FAM149B1: variants seen among roughly 807,000 people sequenced by gnomAD.
The protein encoded by FAM149B1 is family with sequence similarity 149 member B1.
Under a neutral mutation model 75.3 loss-of-function variants are expected in FAM149B1, and 56 were observed. The observed-to-expected ratio is 0.74, with a 90% confidence interval of 0.60 to 0.93. FAM149B1 has a LOEUF of 0.93. Ranked by LOEUF, FAM149B1 falls within the 40% of genes least tolerant of loss-of-function variation. FAM149B1 has a pLI of 0.00. For missense variants in FAM149B1, 639 were observed against 708.4 expected (o/e 0.90, Z 1.11); for synonymous variants, 259 against 256.1 (o/e 1.01, Z -0.11).
intron 1 of FAM149B1, 127 bp from the exon 2 acceptor site, chr10:73,174,560 T>G: frequency 1.7e-6 from 1 of 604,164 alleles, no homozygotes; most frequent in South Asian, 2.7e-5. Flanking sequence ...TTTTAATCAC[T>G]GGTGGCTACC....
Position 73,240,947 on chromosome 10 carries a change from T to A in FAM149B1, c.1677T>A (p.Gly559=). The change falls in exon 14 of 14, where the codon GGT becomes GGA. Residue 559 remains glycine (G), a splice_region_variant and synonymous_variant. Transcript: ENST00000242505. The part of the protein sequence containing the change: ...HQARPGRGSA[G]PQLHGSTKSQ... ...ATGTTACTCTATGTCATCTGACAGGTCCTCAGTTACATGGGTCTACAAAAT... is the reference window on the plus strand; with the variant it reads ...ATGTTACTCTATGTCATCTGACAGGACCTCAGTTACATGGGTCTACAAAAT... The A allele has an allele frequency of 1.3e-6, 2 of 1,528,860 alleles. No individual in the cohort carries two copies. Among genetic ancestry groups the A allele is most frequent in the Non-Finnish European group, 1.8e-6 (2 of 1,129,350 alleles). The allele number at this position is 1,528,860 out of a possible 1,614,324, so 94.7% of individuals were successfully genotyped here.
At position 73,228,117 on chromosome 10, in the gene FAM149B1, G is replaced by A. The variant is rs1235384622; in HGVS notation, c.956G>A (p.Ser319Asn). The A allele has an allele frequency of 6.4e-7, 1 of 1,551,284 alleles. No homozygotes were observed. The highest frequency in any genetic ancestry group is 8.7e-7 in the Non-Finnish European group (1 of 1,146,684). ...GATTCAGAAAGTTCCTGTGTGCTGA[G>A]TGAACTACATCCTTTGGTGTTACCG... is the stretch of plus-strand genomic sequence containing the variant. Reference protein sequence around the residue: ...RPDSESSCVLSELHPLVLPRV... With the variant: ...RPDSESSCVLNELHPLVLPRV... Residue 319 changes from serine to asparagine, a missense_variant, in exon 8 of 14, where the codon AGT (serine) becomes AAT (asparagine). Ser to Asn is a conservative substitution (Grantham distance 46). Transcript: ENST00000242505.
rs1250790206 is a variant in FAM149B1 at position 73,234,814 on chromosome 10, C to T, written c.1353-3C>T. On this transcript the variant is annotated splice_polypyrimidine_tract_variant and splice_region_variant and intron_variant, in intron 10 of 13. Coordinates refer to ENST00000242505, the MANE Select transcript of FAM149B1 (RefSeq NM_173348.2). ...CCTTCGTGTTTGTTGGTGGGATCTG[C>T]AGCCCAGTGGCACCCGACTCGCTCT... 6.4e-7 allele frequency: 1 copy of T among 1,551,108 alleles called. No individual in the cohort carries two copies. The highest frequency in any genetic ancestry group is 1.4e-5 in the African/African-American group (1 of 73,026).
Position 73,200,837 on chromosome 10 carries a change from T to TG in FAM149B1, c.542+7244_542+7245insG. ...CAAGGCACCATTAAACAGGCTGTTA[T>TG]TTTTCTCAATACAAGGTGCAAGGTG... On this transcript the variant is annotated intron_variant, in intron 5 of 13. Coordinates refer to ENST00000242505, the MANE Select transcript of FAM149B1 (RefSeq NM_173348.2). The TG allele has an allele frequency of 9.8e-6, 5 of 510,436 alleles. No individual in the cohort carries two copies. In the East Asian group the frequency reaches 2.1e-4, roughly 22 times the overall value. 31.6% of individuals were successfully genotyped at this position (510,436 alleles called of 1,614,324 possible).
intron 9 of FAM149B1, 108 bp downstream of exon 9, chr10:73,230,633 A>ACAGAGGGAAAGCAAAATCAGTTTATCAGT: frequency 1.5e-6 from 1 of 652,188 alleles, no homozygotes; most frequent in East Asian, 2.8e-5. Flanking sequence ...GCAACCACAA[A>ACAGAGGGAAAGCAAAATCAGTTTATCAGT]AACTCCTGGG....
At chr10:73,211,855 G>A (rs1589168718) in intron 7 of FAM149B1, among the ~76,000 whole-genome samples, 1 of 151,984 alleles carries the variant, frequency 6.6e-6, no homozygotes, top group East Asian at 1.9e-4. Context: ...GTGAAATCTG[G>A]GTTTTTAGTG....
At chr10:73,200,918 G>A in intron 5 of FAM149B1, 1 of 474,160 alleles carries the variant, frequency 2.1e-6, no homozygotes, top group South Asian at 1.7e-5. Flanking sequence ...GCTCTGCATG[G>A]CGACATGGAC....
intron 3 of FAM149B1, 59 bp downstream of exon 3, chr10:73,178,034 T>C: frequency 6.8e-7 from 1 of 1,467,332 alleles, no homozygotes; most frequent in South Asian, 1.3e-5. Context: ...GGAATTAGGA[T>C]TTGTCAGTAT....
chr10:73,228,324 G>A, intron 8 of FAM149B1, 140 bp downstream of exon 8: 1 of 667,060 alleles, frequency 1.5e-6, no homozygotes, highest in South Asian at 2.1e-5. Context: ...ATAATCCAGT[G>A]ACTCTTCGCA....
At position 73,193,464 on chromosome 10, in the gene FAM149B1, C is replaced by T. The variant is rs2133337105; in HGVS notation, c.426-13C>T. 2 of 1,542,482 alleles carry T rather than the reference C, an allele frequency of 1.3e-6. No homozygotes were observed. Among genetic ancestry groups the T allele is most frequent in the Non-Finnish European group, 1.7e-6 (2 of 1,143,528 alleles). On this transcript the variant is annotated splice_polypyrimidine_tract_variant and intron_variant, in intron 4 of 13. Coordinates refer to ENST00000242505, the MANE Select transcript of FAM149B1 (RefSeq NM_173348.2). ...AAGGTACTTAATTGTGTCTGTGTTTCTTCATTTTGAAGGATTCTAGGTAGG... is the reference window on the plus strand; with the variant it reads ...AAGGTACTTAATTGTGTCTGTGTTTTTTCATTTTGAAGGATTCTAGGTAGG...
intron 10 of FAM149B1, 134 bp from the exon 11 acceptor site, chr10:73,234,683 G>C (rs1338551868): frequency 1.0e-6 from 1 of 958,280 alleles, no homozygotes; most frequent in Non-Finnish European, 1.5e-6. Flanking sequence ...ATCTCTACTT[G>C]AAAACATAGG....
intron 1 of FAM149B1, 97 bp downstream of exon 1, chr10:73,168,483 G>A: frequency 7.1e-7 from 1 of 1,413,646 alleles, no homozygotes; most frequent in Admixed American, 2.3e-5. Context: ...TCCCAGGGCT[G>A]GGGAGAGATT....
At position 73,234,895 on chromosome 10, in the gene FAM149B1, A is replaced by G. The variant is rs1289775065; in HGVS notation, c.1431A>G (p.Thr477=). The G allele has an allele frequency of 1.3e-6, 2 of 1,551,912 alleles. No homozygotes were observed. The highest frequency in any genetic ancestry group is 2.7e-5 in the African/African-American group (2 of 73,048). Residue 477 remains threonine (T), a synonymous_variant, in exon 11 of 14, where the codon ACA becomes ACG. Transcript: ENST00000242505. ...SRNNLLPPIG[T]AEVEHVSTVG... is the part of the protein sequence containing the mutation. ...ATAATCTGCTACCACCTATTGGCAC[A>G]GCTGAAGTGGAACATGTGAGCACTG...
intron 5 of FAM149B1, among the ~76,000 whole-genome samples, chr10:73,201,778 A>C (rs911493803): frequency 1.3e-5 from 2 of 152,164 alleles, no homozygotes; most frequent in East Asian, 3.8e-4. Context: ...TCATATCCTA[A>C]ATAGGGTTAA....
chr10:73,214,871 G>T (rs926002988), intron 7 of FAM149B1, among the ~76,000 whole-genome samples: 2 of 152,010 alleles, frequency 1.3e-5, no homozygotes, highest in South Asian at 2.1e-4. Flanking sequence ...CAGGAGGATT[G>T]GTATTAATTA....
chr10:73,211,987 C>T (rs1364116493), intron 7 of FAM149B1, among the ~76,000 whole-genome samples: 1 of 152,154 alleles, frequency 6.6e-6, no homozygotes, highest in Non-Finnish European at 1.5e-5. Flanking sequence ...TTTCTTATTA[C>T]ACTCTGTATG....
chr10:73,177,203 C>CAAAAAAT (rs374522801), intron 2 of FAM149B1, among the ~76,000 whole-genome samples: 1 of 151,842 alleles, frequency 6.6e-6, no homozygotes, highest in East Asian at 1.9e-4. Flanking sequence ...GACCCCATCT[C>CAAAAAAT]AAAAAATAAA....
chr10:73,198,189 A>G (rs1051533650), intron 5 of FAM149B1, among the ~76,000 whole-genome samples: 1 of 152,242 alleles, frequency 6.6e-6, no homozygotes, highest in Non-Finnish European at 1.5e-5. Flanking sequence ...TACTTATACC[A>G]TATACAAAAA....
At chr10:73,170,053 AAT>A (rs1463646287) in intron 1 of FAM149B1, among the ~76,000 whole-genome samples, 4 of 151,014 alleles carry the variant, frequency 2.6e-5, no homozygotes, top group African/African-American at 7.4e-5. Context: ...TAATTTATTA[AAT>A]ATTAATTATG....
Sources: gnomAD v4.1 joint callset for allele counts (sites outside exome capture counted in the v4.1 genomes callset) on GRCh38, gnomAD v4.1.1 for gene constraint, MANE v1.5 for transcripts, NCBI Gene and HGNC (gene_info 2026-07-23, HGNC 2026-07-21) for gene names.